The following SLC35D2 variants were observed in gnomAD, a reference collection of about 807,000 sequenced individuals.
The protein encoded by SLC35D2 is solute carrier family 35 member D2, also known as nucleotide sugar transporter SLC35D2.
In SLC35D2, 43 loss-of-function variants were observed where a neutral mutation model predicts 41.8. That is an observed-to-expected ratio of 1.03 (90% CI 0.81 to 1.33). The LOEUF (loss-of-function observed/expected upper bound fraction) is 1.33. Among genes scored for constraint, SLC35D2 ranks in the 40% most tolerant of loss-of-function variants. The pLI is 0.00. For synonymous variants in SLC35D2, 150 were observed against 163.9 expected, an observed-to-expected ratio of 0.92 and a Z score of 0.65; for missense variants, 380 against 408.4, an observed-to-expected ratio of 0.93 and a Z score of 0.60.
chr9:96,319,733 C>T (rs566471870), downstream of SLC35D2, among the ~76,000 whole-genome samples: 1 of 152,250 alleles, frequency 6.6e-6, no homozygotes, highest in African/African-American at 2.4e-5. Context: ...CTCCTAGGCT[C>T]AAGCGATTTT....
intron 6 of SLC35D2, among the ~76,000 whole-genome samples, chr9:96,349,514 C>G (rs1829722492): frequency 4.0e-5 from 6 of 151,662 alleles, no homozygotes; most frequent in Admixed American, 3.9e-4. Flanking sequence ...TCCTCTCAAT[C>G]TGCTCTTTTG....
chr9:96,358,519 C>G (rs941326372), intron 4 of SLC35D2, among the ~76,000 whole-genome samples: 2 of 152,018 alleles, frequency 1.3e-5, no homozygotes, highest in African/African-American at 4.8e-5. Context: ...GGACTTGTAT[C>G]AAGTAAATGA....
In SLC35D2 at chr9:96,337,219, T is replaced by A. The variant is rs79974904; in HGVS notation, c.685-435A>T. Among the ~76,000 whole-genome samples, 6 of 152,292 alleles carry A rather than the reference T, an allele frequency of 3.9e-5. No individual in the cohort carries two copies. The South Asian group carries it at 6.2e-4, about 16-fold the overall frequency. The stretch of plus-strand genomic sequence containing the variant: ...AAGAAAGTTAATTATCTCTTTTTTT[T>A]CTTTCTTTTTTCAGACCAGGTCTTG... On this transcript the variant is annotated intron_variant, in intron 8 of 11. Transcript: ENST00000253270.
intron 7 of SLC35D2, among the ~76,000 whole-genome samples, chr9:96,344,284 T>A (rs1316003669): frequency 6.6e-6 from 1 of 152,022 alleles, no homozygotes; most frequent in Non-Finnish European, 1.5e-5. Flanking sequence ...GGGTTTTTTT[T>A]AAAGCATGTA....
intron 1 of SLC35D2, 26 bp downstream of exon 1, chr9:96,383,451 C>G (rs1020807820): frequency 1.5e-5 from 23 of 1,491,274 alleles, no homozygotes; most frequent in Non-Finnish European, 2.1e-5. Flanking sequence ...CTCCCGCAGA[C>G]CCCCCGGCCC....
At chr9:96,352,971 G>A (rs779713002) in intron 4 of SLC35D2, among the ~76,000 whole-genome samples, 7 of 152,026 alleles carry the variant, frequency 4.6e-5, no homozygotes, top group Non-Finnish European at 7.4e-5. Flanking sequence ...CCGTGAGGCG[G>A]AGGTTGCAGT....
chr9:96,383,588 G>A lies in SLC35D2; in HGVS notation c.47C>T (p.Pro16Leu). The A allele has an allele frequency of 6.9e-7, 1 of 1,447,550 alleles. No homozygotes were observed. Among genetic ancestry groups the A allele is most frequent in the African/African-American group, 1.5e-5 (1 of 67,248 alleles). 89.7% of individuals were successfully genotyped at this position (1,447,550 alleles called of 1,614,324 possible). Residue 16 changes from proline (P) to leucine (L), a missense_variant, in exon 1 of 12, where the codon CCC (proline) becomes CTC (leucine). Coordinates refer to ENST00000253270, the MANE Select transcript of SLC35D2 (RefSeq NM_007001.3). ...QAEAEGAGGE[P>L]GAARLPSRVA... The stretch of plus-strand genomic sequence containing the variant: ...CCGCGAGGGCAGCCGCGCCGCGCCG[G>A]GCTCCCCGCCAGCGCCCTCGGCCTC...
At chr9:96,336,062 A>G (rs1829037918) in intron 9 of SLC35D2, among the ~76,000 whole-genome samples, 1 of 151,854 alleles carries the variant, frequency 6.6e-6, no homozygotes, top group Non-Finnish European at 1.5e-5. Context: ...AAAAAAAAAA[A>G]AAAGAAAGAA....
At chr9:96,377,195 G>A (rs537463009) in intron 1 of SLC35D2, among the ~76,000 whole-genome samples, 5 of 151,712 alleles carry the variant, frequency 3.3e-5, no homozygotes, top group Admixed American at 6.6e-5. Flanking sequence ...GCAGTTACTC[G>A]TGTTACCGCT....
intron 1 of SLC35D2, among the ~76,000 whole-genome samples, chr9:96,376,665 C>T (rs961251966): frequency 1.7e-4 from 26 of 151,622 alleles, no homozygotes; most frequent in African/African-American, 6.1e-4. Flanking sequence ...CCCGGCTACT[C>T]GGGAGGCTGG....
intron 9 of SLC35D2, among the ~76,000 whole-genome samples, chr9:96,336,475 T>A (rs1829055559): frequency 6.6e-6 from 1 of 152,232 alleles, no homozygotes; most frequent in Non-Finnish European, 1.5e-5. Context: ...CATCATATTT[T>A]GAAGAAGAAC....
Position 96,342,513 on chromosome 9 carries a change from G to A in SLC35D2, c.684+1391C>T, listed in dbSNP as rs566091890. On this transcript the variant is annotated intron_variant, in intron 8 of 11. Transcript: ENST00000253270. ...TGATGGTAGCTGAAAAACAAATACT[G>A]TGTTTTCAGGTATCATGCCCTGCTC... Among the ~76,000 whole-genome samples, 9 of 152,264 alleles carry A rather than the reference G, an allele frequency of 5.9e-5. No homozygotes were observed. The East Asian group carries it at 1.7e-3, about 29-fold the overall frequency.
chr9:96,374,936 T>C (rs1830876350), intron 1 of SLC35D2, among the ~76,000 whole-genome samples: 1 of 152,018 alleles, frequency 6.6e-6, no homozygotes, highest in African/African-American at 2.4e-5. Flanking sequence ...TGTTGCCTCA[T>C]GTTCATTATA....
intron 8 of SLC35D2, among the ~76,000 whole-genome samples, chr9:96,339,693 G>C (rs1013157611): frequency 1.3e-5 from 2 of 151,942 alleles, no homozygotes; most frequent in African/African-American, 2.4e-5. Flanking sequence ...TAATATACTA[G>C]ATGTACTTTG....
intron 2 of SLC35D2, among the ~76,000 whole-genome samples, chr9:96,365,124 TG>T (rs1830426263): frequency 6.8e-6 from 1 of 147,374 alleles, no homozygotes; most frequent in Non-Finnish European, 1.5e-5. Flanking sequence ...GAAGCTGAGG[TG>T]GGAAGATCAC....
At chr9:96,350,446 G>A (rs1829767830) in intron 6 of SLC35D2, among the ~76,000 whole-genome samples, 1 of 135,922 alleles carries the variant, frequency 7.4e-6, no homozygotes, top group Non-Finnish European at 1.5e-5. Flanking sequence ...TTCCCACCTA[G>A]GCTTCCTACA....
chr9:96,363,829 C>G (rs1161765523), intron 3 of SLC35D2, among the ~76,000 whole-genome samples: 2 of 152,180 alleles, frequency 1.3e-5, no homozygotes, highest in Admixed American at 6.5e-5. Context: ...TTTCATGGTA[C>G]AGTGGCAGAG....
chr9:96,324,549 C>CTTTTTTTTTTTTTTTTTTTTT lies in SLC35D2; in HGVS notation c.753-381_753-380insAAAAAAAAAAAAAAAAAAAAA, dbSNP rs57775451. 1.8e-3 allele frequency among the ~76,000 whole-genome samples: 216 copies of CTTTTTTTTTTTTTTTTTTTTT among 117,728 alleles called. 9 individuals carry two copies. The highest frequency in any genetic ancestry group is 1.9e-3 in the East Asian group (6 of 3,190). The allele number at this position is 117,728 out of a possible 152,430, so 77.2% of individuals were successfully genotyped here. ...CTGTGCCTCAGAATCGCCTGCTGCA[C>CTTTTTTTTTTTTTTTTTTTTT]TTTTTTTTTTTTTTTTTGGTGGGGA... On this transcript the variant is annotated intron_variant, in intron 9 of 11. Transcript: ENST00000253270.
chr9:96,373,051 C>G (rs1310920468), intron 1 of SLC35D2, among the ~76,000 whole-genome samples: 1 of 151,868 alleles, frequency 6.6e-6, no homozygotes, highest in African/African-American at 2.4e-5. Flanking sequence ...AGGCACCCAC[C>G]ACCACGCCTG....
Sources: gnomAD v4.1 joint callset for allele counts (sites outside exome capture counted in the v4.1 genomes callset) on GRCh38, gnomAD v4.1.1 for gene constraint, MANE v1.5 for transcripts, NCBI Gene and HGNC (gene_info 2026-07-23, HGNC 2026-07-21) for gene names.